AGXT: variants seen among roughly 807,000 people sequenced by gnomAD.
AGXT encodes the protein alanine--glyoxylate aminotransferase.
AGXT carries 41 observed loss-of-function variants against 46.9 expected under a neutral mutation model. The observed-to-expected ratio is 0.88, with a 90% CI of 0.68 to 1.14. The LOEUF (loss-of-function observed/expected upper bound fraction) is 1.14. Among genes scored for constraint, AGXT ranks in the 50% most tolerant of loss-of-function variants. The pLI is 0.00. For missense variants in AGXT, 525 were observed against 522.7 expected, an observed-to-expected ratio of 1.00 and a Z score of -0.04; for synonymous variants, 244 against 227.9, an observed-to-expected ratio of 1.07 and a Z score of -0.64.
At position 240,870,542 on chromosome 2, in the gene AGXT, G is replaced by T; in HGVS notation, c.359-102G>T. On this transcript the variant is annotated intron_variant, in intron 2 of 10. Coordinates refer to ENST00000307503, the MANE Select transcript of AGXT (RefSeq NM_000030.3). ...CAGCCAGGGTGCCACGGTGGGTGGGGTCCAGCCCTCACAGGGCCCTGCTCA... is the reference window on the plus strand; with the variant it reads ...CAGCCAGGGTGCCACGGTGGGTGGGTTCCAGCCCTCACAGGGCCCTGCTCA... The T allele has an allele frequency of 2.1e-6, 3 of 1,402,542 alleles. No individual in the cohort carries two copies. The South Asian group carries it at 3.7e-5, about 17-fold the overall frequency. 86.9% of individuals were successfully genotyped at this position (1,402,542 alleles called of 1,614,324 possible).
rs796258871 is a variant in AGXT at position 240,874,471 on chromosome 2, T to C, written c.680+409T>C. Among the ~76,000 whole-genome samples, 4 of 152,226 alleles carry C rather than the reference T, an allele frequency of 2.6e-5. No homozygotes were observed. In the East Asian group the frequency reaches 5.8e-4, roughly 22 times the overall value. ...TCACCTCCCGCTCCTGGTGTCCAGA[T>C]TCTGAGCCAGGCCGGGCAGGGGGTA... On this transcript the variant is annotated intron_variant, in intron 6 of 10. Coordinates refer to ENST00000307503, the MANE Select transcript of AGXT (RefSeq NM_000030.3).
chr2:240,877,763 GC>G, intron 9 of AGXT, 131 bp downstream of exon 9: 1 of 1,097,916 alleles, frequency 9.1e-7, no homozygotes, highest in Non-Finnish European at 1.3e-6. Context: ...TGGCCTCGGT[GC>G]CAGGGATTAG....
rs33958047 is a variant in AGXT at position 240,874,036 on chromosome 2, G to A, written c.654G>A (p.Ser218=). 175,057 of 1,613,208 alleles carry A rather than the reference G, an allele frequency of 0.11. 9,994 individuals are homozygous for A. The highest frequency in any genetic ancestry group is 0.2 in the African/African-American group (14,987 of 74,962). Residue 218 remains serine, a synonymous_variant, in exon 6 of 11, where the codon TCG becomes TCA. Transcript: ENST00000307503. ...QKALNAPPGT[S]LISFSDKAKK... ...CCCTGAACGCCCCTCCAGGGACCTC[G>A]CTCATCTCCTTCAGTGACAAGGCCA...
At chr2:240,875,807 CCT>C in intron 7 of AGXT, 126 bp from the exon 8 acceptor site, 1 of 1,041,770 alleles carries the variant, frequency 9.6e-7, no homozygotes, top group Non-Finnish European at 1.5e-6. Flanking sequence ...GGACAGGACT[CCT>C]CTGCGGAGGA....
At chr2:240,872,869 T>A in intron 4 of AGXT, 110 bp from the exon 5 acceptor site, 1 of 962,374 alleles carries the variant, frequency 1.0e-6, no homozygotes, top group Non-Finnish European at 1.7e-6. Context: ...GGAGGTGCCC[T>A]GCCTTCCTTG....
At chr2:240,873,918 G>C (rs1353990996) in intron 5 of AGXT, 60 bp from the exon 6 acceptor site, 1 of 1,484,180 alleles carries the variant, frequency 6.7e-7, no homozygotes, top group Non-Finnish European at 9.4e-7. Context: ...CAGGCATCCC[G>C]CTGGACTGGC....
intron 6 of AGXT, 36 bp from the exon 7 acceptor site, chr2:240,875,073 G>T: frequency 6.5e-7 from 1 of 1,537,264 alleles, no homozygotes; most frequent in South Asian, 1.1e-5. Flanking sequence ...AGCCCAAACT[G>T]AGAGGCTGGT....
rs551668454 is a variant in AGXT, at chr2:240,875,734, C to T, written c.777-201C>T. On this transcript the variant is annotated intron_variant, in intron 7 of 10. Coordinates refer to ENST00000307503, the MANE Select transcript of AGXT (RefSeq NM_000030.3). ...GCCACCCACTGCCTCCTGGCTGGGC[C>T]CTACACAAGCCATGCTCTCCCTGGC... Among the ~76,000 whole-genome samples the T allele has an allele frequency of 7.2e-5, 11 of 152,230 alleles. No individual in the cohort carries two copies. The South Asian group carries it at 2.3e-3, about 32-fold the overall frequency.
intron 5 of AGXT, 47 bp downstream of exon 5, chr2:240,873,096 G>A (rs776940201): frequency 1.3e-6 from 2 of 1,525,300 alleles, no homozygotes; most frequent in Middle Eastern, 1.7e-4. Flanking sequence ...CAGCCTTGGG[G>A]CTCCGCGTGC....
In AGXT at chr2:240,878,757, A is replaced by C. The variant is rs2059041736; in HGVS notation, c.1115A>C (p.Asn372Thr). The C allele has an allele frequency of 6.3e-7, 1 of 1,590,042 alleles. No individual in the cohort carries two copies. Among genetic ancestry groups the C allele is most frequent in the Non-Finnish European group, 8.5e-7 (1 of 1,172,018 alleles). Residue 372 changes from asparagine (N) to threonine (T), a missense_variant, in exon 11 of 11, where the codon AAT (asparagine) becomes ACT (threonine). Asn to Thr is a moderately conservative substitution (Grantham distance 65, BLOSUM62 0). Coordinates refer to ENST00000307503, the MANE Select transcript of AGXT (RefSeq NM_000030.3). ...GLLGCNATRE[N>T]VDRVTEALRA... Reference sequence around the variant, plus strand: ...CTGGGCTGCAATGCCACCCGCGAGAATGTGGACCGCGTGACGGAGGCCCTG... The same window carrying C: ...CTGGGCTGCAATGCCACCCGCGAGACTGTGGACCGCGTGACGGAGGCCCTG...
intron 5 of AGXT, chr2:240,873,454 C>A (rs2059002563): frequency 7.2e-6 from 2 of 279,222 alleles, no homozygotes; most frequent in Middle Eastern, 1.2e-3. Context: ...TAGCAGTGAG[C>A]ACCACTGTCA....
chr2:240,874,158 G>T, intron 6 of AGXT, 96 bp downstream of exon 6: 1 of 1,173,588 alleles, frequency 8.5e-7, no homozygotes, highest in East Asian at 2.4e-5. Context: ...GGCAGGAAGG[G>T]CTCCCCATGC....
At position 240,873,383 on chromosome 2, in the gene AGXT, C is replaced by T. The variant is rs1304722582; in HGVS notation, c.595+334C>T. Reference sequence around the variant, plus strand: ...CCAGTCAATCAGGCGTTGGGCACCCCTCTGCCCAACCCCCCAGAGGCTCAG... The same window carrying T: ...CCAGTCAATCAGGCGTTGGGCACCCTTCTGCCCAACCCCCCAGAGGCTCAG... On this transcript the variant is annotated intron_variant, in intron 5 of 10. Coordinates refer to ENST00000307503, the MANE Select transcript of AGXT (RefSeq NM_000030.3). 3 of 343,458 alleles carry T rather than the reference C, an allele frequency of 8.7e-6. No homozygotes were observed. The Admixed American group carries it at 1.2e-4, about 14-fold the overall frequency. 21.3% of individuals were successfully genotyped at this position (343,458 alleles called of 1,614,324 possible).
rs752110687 is a variant in AGXT at position 240,878,080 on chromosome 2, A to G, written c.1001A>G (p.Asp334Gly). The G allele has an allele frequency of 6.2e-7, 1 of 1,613,268 alleles. No homozygotes were observed. The highest frequency in any genetic ancestry group is 1.1e-5 in the South Asian group (1 of 91,080). The change falls in exon 10 of 11, where the codon GAC becomes GGC. Residue 334 changes from aspartate to glycine, a missense_variant. Asp to Gly is a moderately conservative substitution (Grantham distance 94). Coordinates refer to ENST00000307503, the MANE Select transcript of AGXT (RefSeq NM_000030.3). ...GTACCCGCTGGCTATGACTGGAGAGACATCGTCAGCTACGTCATAGACCAC... is the reference window on the plus strand; with the variant it reads ...GTACCCGCTGGCTATGACTGGAGAGGCATCGTCAGCTACGTCATAGACCAC... The part of the protein sequence containing the change: ...VAVPAGYDWR[D>G]IVSYVIDHFD...
intron 4 of AGXT, 71 bp from the exon 5 acceptor site, chr2:240,872,908 G>T (rs1456441428): frequency 1.4e-6 from 2 of 1,382,050 alleles, no homozygotes; most frequent in East Asian, 2.3e-5. Context: ...ACCCCATCCA[G>T]CCTGGGGCCA....
chr2:240,870,501 C>A, intron 2 of AGXT, 143 bp from the exon 3 acceptor site: 1 of 923,626 alleles, frequency 1.1e-6, no homozygotes, highest in Admixed American at 2.2e-5. Context: ...AGAGTCCACC[C>A]TCCTCTTCAG....
At chr2:240,875,832 G>A in intron 7 of AGXT, 103 bp from the exon 8 acceptor site, 1 of 1,300,100 alleles carries the variant, frequency 7.7e-7, no homozygotes, top group Non-Finnish European at 1.1e-6. Context: ...CCGGCCTGTG[G>A]TCAGAGAGCC....
Position 240,871,344 on chromosome 2 carries a change from C to T in AGXT, c.424-5C>T, listed in dbSNP as rs1258184741. The stretch of plus-strand genomic sequence containing the variant: ...CTCCACCCACAGCCGTCCCTGCTTC[C>T]TCAGGGCCTGGCCCAGCACAAGCCA... On this transcript the variant is annotated splice_polypyrimidine_tract_variant and splice_region_variant and intron_variant, in intron 3 of 10. Coordinates refer to ENST00000307503, the MANE Select transcript of AGXT (RefSeq NM_000030.3). 1 of 1,572,432 alleles carries T rather than the reference C, an allele frequency of 6.4e-7. No individual in the cohort carries two copies. Among genetic ancestry groups the T allele is most frequent in the East Asian group, 2.4e-5 (1 of 42,456 alleles).
chr2:240,878,284 C>T, intron 10 of AGXT, 134 bp downstream of exon 10: 2 of 1,314,362 alleles, frequency 1.5e-6, no homozygotes, highest in South Asian at 1.4e-5. Context: ...CAGAAGGGCC[C>T]ACTCTCCAAG....
Sources: gnomAD v4.1 joint callset for allele counts (sites outside exome capture counted in the v4.1 genomes callset) on GRCh38, gnomAD v4.1.1 for gene constraint, MANE v1.5 for transcripts, NCBI Gene and HGNC (gene_info 2026-07-23, HGNC 2026-07-21) for gene names.